Variants in ENOX1 observed in about 807,000 individuals in gnomAD.
ENOX1 encodes the protein candidate growth-related and time keeping constitutive hydroquinone (NADH) oxidase.
Under a neutral mutation model 82.5 loss-of-function variants are expected in ENOX1, and 42 were observed. That is an observed-to-expected ratio of 0.51 (90% CI 0.40 to 0.66). ENOX1 has a LOEUF of 0.66. Ranked by LOEUF, ENOX1 falls within the 30% of genes least tolerant of loss-of-function variation. The pLI, the probability that ENOX1 is intolerant of heterozygous loss-of-function variation, is 0.00. For synonymous variants in ENOX1, 271 were observed against 282.2 expected (o/e 0.96, Z 0.40); for missense variants, 608 against 811.6 (o/e 0.75, Z 3.05).
chr13:43,667,492 G>GCA lies in ENOX1; in HGVS notation c.-233_-232insTG, dbSNP rs2085039577. 1 of 985,354 alleles carries GCA rather than the reference G, an allele frequency of 1.0e-6. No homozygotes were observed. The highest frequency in any genetic ancestry group is 1.7e-5 in the African/African-American group (1 of 57,218). 61.0% of individuals were successfully genotyped at this position (985,354 alleles called of 1,614,324 possible). ...CCATCCCTTTACCTGAGCATGGTGA[G>GCA]CTCTCTCTCCTCCACATATTATAAA... On this transcript the variant is annotated 5_prime_UTR_variant, in exon 2 of 17. It removes the in-frame stop codon of an upstream open reading frame in the 5' UTR. Transcript: ENST00000690772.
chr13:43,524,165 C>T (rs962945737), intron 2 of ENOX1, among the ~76,000 whole-genome samples: 3 of 152,142 alleles, frequency 2.0e-5, no homozygotes. Context: ...TTCTTGCCAA[C>T]TCATTGTCTT....
chr13:43,630,282 A>C (rs1402215513), intron 2 of ENOX1, among the ~76,000 whole-genome samples: 1 of 152,172 alleles, frequency 6.6e-6, no homozygotes, highest in Admixed American at 6.6e-5. Context: ...TTGCCAGATG[A>C]GTATCCACTT....
At chr13:43,665,122 G>C (rs559001693) in intron 2 of ENOX1, among the ~76,000 whole-genome samples, 3 of 152,252 alleles carry the variant, frequency 2.0e-5, no homozygotes, top group Non-Finnish European at 4.4e-5. Context: ...ACTAATCCAG[G>C]GGCTTAAGTG....
intron 1 of ENOX1, among the ~76,000 whole-genome samples, chr13:43,722,624 C>A (rs1388391406): frequency 6.6e-6 from 1 of 152,014 alleles, no homozygotes; most frequent in Non-Finnish European, 1.5e-5. Flanking sequence ...TCCTAAATAC[C>A]AGACATGATG....
intron 1 of ENOX1, among the ~76,000 whole-genome samples, chr13:43,721,624 C>T (rs1461197492): frequency 6.6e-6 from 1 of 151,844 alleles, no homozygotes; most frequent in African/African-American, 2.4e-5. Context: ...GTGATCCGCC[C>T]GCCTCAGCCT....
intron 2 of ENOX1, among the ~76,000 whole-genome samples, chr13:43,593,640 C>T (rs1205569983): frequency 2.2e-5 from 3 of 136,690 alleles, no homozygotes; most frequent in Admixed American, 7.6e-5. Context: ...ATTCTATTCC[C>T]CCACCCCCAC....
chr13:43,649,323 A>C (rs2084043312), intron 2 of ENOX1, among the ~76,000 whole-genome samples: 1 of 152,172 alleles, frequency 6.6e-6, no homozygotes, highest in Non-Finnish European at 1.5e-5. Flanking sequence ...ACACACGCAA[A>C]CAATGCAGGG....
intron 2 of ENOX1, among the ~76,000 whole-genome samples, chr13:43,551,876 T>C (rs140086574): frequency 6.6e-6 from 1 of 152,322 alleles, no homozygotes; most frequent in East Asian, 1.9e-4. Flanking sequence ...TGAAATGATT[T>C]AAATAATCTT....
chr13:43,505,579 T>C (rs1481598765), intron 2 of ENOX1, among the ~76,000 whole-genome samples: 1 of 152,078 alleles, frequency 6.6e-6, no homozygotes, highest in Non-Finnish European at 1.5e-5. Flanking sequence ...GTTTATATCC[T>C]TCGCCCACTT....
At chr13:43,670,922 A>G (rs9594993) in intron 1 of ENOX1, among the ~76,000 whole-genome samples, 19,640 of 152,186 alleles carry the variant, frequency 0.13, 2,506 homozygotes, top group African/African-American at 0.33. Flanking sequence ...ACAATAATGC[A>G]TTTTGAAAAT....
intron 2 of ENOX1, among the ~76,000 whole-genome samples, chr13:43,598,706 T>A (rs1426024564): frequency 6.6e-6 from 1 of 152,234 alleles, no homozygotes; most frequent in South Asian, 2.1e-4. Context: ...CTACAGATGA[T>A]ACAGTGTGCT....
chr13:43,591,685 T>G (rs1274140101), intron 2 of ENOX1, among the ~76,000 whole-genome samples: 4 of 151,838 alleles, frequency 2.6e-5, no homozygotes, highest in Non-Finnish European at 5.9e-5. Flanking sequence ...ATTAAAATTC[T>G]AAAAAGAGCA....
intron 12 of ENOX1, among the ~76,000 whole-genome samples, chr13:43,286,017 A>AC (rs1337866140): frequency 2.0e-5 from 3 of 151,530 alleles, no homozygotes; most frequent in Non-Finnish European, 4.4e-5. Context: ...GAGCATGAAG[A>AC]CCCCCAACTG....
chr13:43,422,128 A>T (rs1347728241), intron 3 of ENOX1, among the ~76,000 whole-genome samples: 1 of 150,468 alleles, frequency 6.6e-6, no homozygotes, highest in Non-Finnish European at 1.5e-5. Flanking sequence ...AATGACAATT[A>T]AAAAAAAATC....
At chr13:43,366,387 G>A (rs1316774101) in intron 5 of ENOX1, among the ~76,000 whole-genome samples, 3 of 151,960 alleles carry the variant, frequency 2.0e-5, no homozygotes, top group Non-Finnish European at 2.9e-5. Context: ...CCATTCTCCT[G>A]CCTCAGCCTC....
chr13:43,609,010 C>T (rs900380036), intron 2 of ENOX1, among the ~76,000 whole-genome samples: 6 of 152,178 alleles, frequency 3.9e-5, no homozygotes, highest in Non-Finnish European at 7.3e-5. Context: ...TCAGAACTCT[C>T]CGTTCTCAAA....
chr13:43,460,758 C>T (rs1490388868), intron 3 of ENOX1, among the ~76,000 whole-genome samples: 3 of 130,570 alleles, frequency 2.3e-5, no homozygotes, highest in Non-Finnish European at 4.6e-5. Context: ...CGCACCACTG[C>T]ACTCCAGCCC....
chr13:43,298,196 A>G, intron 12 of ENOX1, 150 bp downstream of exon 12: 1 of 700,868 alleles, frequency 1.4e-6, no homozygotes, highest in Non-Finnish European at 2.1e-6. Context: ...TTCCACAAAC[A>G]GTCATTAGCA....
chr13:43,353,066 T>C (rs1033713088), intron 8 of ENOX1, among the ~76,000 whole-genome samples: 8 of 152,102 alleles, frequency 5.3e-5, no homozygotes, highest in African/African-American at 1.9e-4. Context: ...TATGGTAAAA[T>C]GCTGATTAAC....
Sources: allele counts gnomAD v4.1 joint callset (sites outside exome capture counted in the v4.1 genomes callset), GRCh38; gene constraint gnomAD v4.1.1; transcripts MANE v1.5; gene names NCBI Gene and HGNC (gene_info 2026-07-23, HGNC 2026-07-21).